Variants in SLC16A1 observed in about 807,000 individuals in gnomAD.
SLC16A1 encodes monocarboxylate transporter 1.
In SLC16A1, 11 loss-of-function variants were observed where a neutral mutation model predicts 32.2. The ratio of observed to expected loss-of-function variants is 0.34; its 90% confidence interval spans 0.21 to 0.56. The LOEUF is 0.56. Among genes scored for constraint, SLC16A1 ranks in the 20% least tolerant of loss-of-function variants. The pLI, the probability that SLC16A1 is intolerant of heterozygous loss-of-function variation, is 0.87. For synonymous variants in SLC16A1, 231 were observed against 226.8 expected, an observed-to-expected ratio of 1.02 and a Z score of -0.17; for missense variants, 435 against 615.0, an observed-to-expected ratio of 0.71 and a Z score of 3.10.
At chr1:112,946,685 C>T (rs1232467201) in intron 1 of SLC16A1, among the ~76,000 whole-genome samples, 1 of 152,198 alleles carries the variant, frequency 6.6e-6, no homozygotes, top group Non-Finnish European at 1.5e-5. Context: ...TCCCAAGTAG[C>T]TGGGATTACA....
chr1:112,937,415 T>C (rs545877100), intron 1 of SLC16A1, among the ~76,000 whole-genome samples: 10 of 152,178 alleles, frequency 6.6e-5, no homozygotes, highest in African/African-American at 2.4e-4. Flanking sequence ...AATAAGAGCA[T>C]GCAAAATCAT....
chr1:112,932,678 T>C (rs927695606), intron 1 of SLC16A1, among the ~76,000 whole-genome samples: 11 of 150,302 alleles, frequency 7.3e-5, no homozygotes, highest in African/African-American at 2.7e-4. Context: ...TGGTATGTGC[T>C]AGCTACTTGG....
At chr1:112,921,643 T>C (rs1203883011) in intron 3 of SLC16A1, among the ~76,000 whole-genome samples, 1 of 152,156 alleles carries the variant, frequency 6.6e-6, no homozygotes, top group African/African-American at 2.4e-5. Context: ...ATGAAGCGTA[T>C]CCTCTACCCC....
chr1:112,949,577 G>A (rs1649817601), intron 1 of SLC16A1, among the ~76,000 whole-genome samples: 2 of 152,172 alleles, frequency 1.3e-5, no homozygotes, highest in Admixed American at 6.5e-5. Flanking sequence ...TTCTAACCTT[G>A]GAACAGAAGT....
intron 1 of SLC16A1, among the ~76,000 whole-genome samples, chr1:112,955,038 T>C (rs1055087205): frequency 6.6e-5 from 10 of 152,010 alleles, no homozygotes; most frequent in Non-Finnish European, 1.0e-4. Flanking sequence ...TTACAGTAAA[T>C]AAAGTAGCTT....
At chr1:112,955,564 G>C (rs1650055393) in intron 1 of SLC16A1, 1 of 152,326 alleles carries the variant, frequency 6.6e-6, no homozygotes. Context: ...GGCCAAGAAG[G>C]TTGGGGCGGA....
intron 1 of SLC16A1, among the ~76,000 whole-genome samples, chr1:112,946,121 A>C (rs1318913213): frequency 4.6e-5 from 7 of 152,218 alleles, no homozygotes; most frequent in Non-Finnish European, 1.0e-4. Flanking sequence ...GAATTTCTGC[A>C]AATTCTATTT....
At position 112,917,495 on chromosome 1, in the gene SLC16A1, A is replaced by G; in HGVS notation, c.911T>C (p.Ile304Thr). Residue 304 changes from isoleucine (I) to threonine (T), a missense_variant, in exon 4 of 5, where the codon ATT becomes ACT. Ile to Thr is a moderately conservative substitution (Grantham distance 89, BLOSUM62 -1). Transcript: ENST00000369626. The surrounding 1 kb of genome is among the most constrained non-coding windows in gnomAD (Gnocchi z 4.1). ...SSEKSAFLLS[I>T]LAFVDMVARP... Reference sequence around the variant, plus strand: ...GGCTACCATGTCAACAAAAGCCAGAATGGAAAGAAGGAAGGCAGACTTCTC... The same window carrying G: ...GGCTACCATGTCAACAAAAGCCAGAGTGGAAAGAAGGAAGGCAGACTTCTC... 2.5e-6 allele frequency: 4 copies of G among 1,614,222 alleles called. No individual in the cohort carries two copies. Among genetic ancestry groups the G allele is most frequent in the Non-Finnish European group, 3.4e-6 (4 of 1,180,042 alleles).
chr1:112,950,234 C>T (rs1649842301), intron 1 of SLC16A1, among the ~76,000 whole-genome samples: 1 of 152,142 alleles, frequency 6.6e-6, no homozygotes, highest in Admixed American at 6.6e-5. Flanking sequence ...ATAAAAATTT[C>T]TCATACAGGA....
rs562485162 is a variant in SLC16A1, at chr1:112,940,064, T to C, written c.-44-10712A>G. Among the ~76,000 whole-genome samples the C allele has an allele frequency of 3.6e-4, 46 of 127,842 alleles. No individual in the cohort carries two copies. The South Asian group carries it at 0.01, about 28-fold the overall frequency. The allele number at this position is 127,842 out of a possible 152,430, so 83.9% of individuals were successfully genotyped here. A position where few individuals can be genotyped will look rare whatever the true frequency, so the allele number is the denominator to read the frequency against. On this transcript the variant is annotated intron_variant, in intron 1 of 4. Coordinates refer to ENST00000369626, the MANE Select transcript of SLC16A1 (RefSeq NM_003051.4). ...ATTTTTTTTTTTTTTTTTTTTTTTT[T>C]AAAGACAGTGTCTCGCTGTGTCACC...
intron 2 of SLC16A1, chr1:112,922,470 G>A (rs1031743763): frequency 2.1e-4 from 72 of 340,196 alleles, no homozygotes; most frequent in African/African-American, 1.5e-3. Context: ...TCTAGGATAC[G>A]ATTAACATGT....
Position 112,917,688 on chromosome 1 carries a change from G to A in SLC16A1, c.718C>T (p.Gln240Ter). 6.2e-7 allele frequency: 1 copy of A among 1,614,228 alleles called. No individual in the cohort carries two copies. Among genetic ancestry groups the A allele is most frequent in the Non-Finnish European group, 8.5e-7 (1 of 1,180,034 alleles). ...GTTTGGAAGACTGATCGTTTCTCTT[G>A]TTTAGGGTGTCTTCCAATAAGATCT... ...NTDLIGRHPK[Q>*]EKRSVFQTIN... Residue 240 changes from glutamine to a stop codon, truncating the protein, a stop_gained, in exon 4 of 5, where the codon CAA (glutamine) becomes TAA (stop). Transcript: ENST00000369626. LOFTEE classifies it high-confidence loss of function. This position sits in a 1 kb window ranked among gnomAD's most constrained non-coding sequence, Gnocchi z 4.1.
chr1:112,919,395 G>GA (rs1348216924), intron 3 of SLC16A1, among the ~76,000 whole-genome samples: 1 of 152,268 alleles, frequency 6.6e-6, no homozygotes, highest in East Asian at 1.9e-4. Flanking sequence ...TCGGATTAAG[G>GA]TAAATGATTC....
At chr1:112,925,551 G>T (rs1339455687) in intron 2 of SLC16A1, among the ~76,000 whole-genome samples, 1 of 151,598 alleles carries the variant, frequency 6.6e-6, no homozygotes, top group Admixed American at 6.6e-5. Context: ...GCTAATTTTT[G>T]TATTTTTTGT....
Position 112,924,131 on chromosome 1 carries a change from C to T in SLC16A1, c.218-1998G>A. On this transcript the variant is annotated intron_variant, in intron 2 of 4. Coordinates refer to ENST00000369626, the MANE Select transcript of SLC16A1 (RefSeq NM_003051.4). ...AGGCCGCGTATGGCGCCAGCGCCCC[C>T]AGCATGACCTCGGCTGCCCTCTGGT... 2.8e-6 allele frequency: 4 copies of T among 1,415,698 alleles called. No homozygotes were observed. In the South Asian group the frequency reaches 4.6e-5, roughly 16 times the overall value. The allele number at this position is 1,415,698 out of a possible 1,614,324, so 87.7% of individuals were successfully genotyped here.
At chr1:112,921,694 C>A (rs11102564) in intron 3 of SLC16A1, among the ~76,000 whole-genome samples, 1 of 152,150 alleles carries the variant, frequency 6.6e-6, no homozygotes, top group African/African-American at 2.4e-5. Context: ...TTGCCACTCT[C>A]GCACCAAGTT....
chr1:112,943,373 T>C (rs1570642728), intron 1 of SLC16A1, among the ~76,000 whole-genome samples: 1 of 151,540 alleles, frequency 6.6e-6, no homozygotes. Flanking sequence ...AAGAATGGGG[T>C]ATACTTTGTT....
chr1:112,916,181 T>C (rs1487858111), intron 4 of SLC16A1, among the ~76,000 whole-genome samples: 4 of 151,912 alleles, frequency 2.6e-5, no homozygotes, highest in Admixed American at 2.0e-4. Context: ...CTTTTTTTTT[T>C]TTTTTTTGCT....
chr1:112,917,002 A>T lies in SLC16A1; in HGVS notation c.1228+176T>A. On this transcript the variant is annotated intron_variant, in intron 4 of 4. Coordinates refer to ENST00000369626, the MANE Select transcript of SLC16A1 (RefSeq NM_003051.4). The surrounding 1 kb of genome is among the most constrained non-coding windows in gnomAD (Gnocchi z 4.1). ...TTTGCCTTGATGGTTCCATTTAATT[A>T]GATTCTATATTTGAGCAATTATGCT... The T allele has an allele frequency of 1.3e-6, 1 of 797,788 alleles. No individual in the cohort carries two copies. Among genetic ancestry groups the T allele is most frequent in the East Asian group, 2.7e-5 (1 of 37,450 alleles). 49.4% of individuals were successfully genotyped at this position (797,788 alleles called of 1,614,324 possible).
Sources: gnomAD v4.1 joint callset for allele counts (sites outside exome capture counted in the v4.1 genomes callset) on GRCh38, gnomAD v4.1.1 for gene constraint, Gnocchi (gnomAD v3.1) non-coding constraint, MANE v1.5 for transcripts, NCBI Gene and HGNC (gene_info 2026-07-23, HGNC 2026-07-21) for gene names.